Variants in SPTLC3 observed in about 807,000 individuals in gnomAD.
The protein encoded by SPTLC3 is serine palmitoyltransferase 3.
In SPTLC3, 36 loss-of-function variants were observed where a neutral mutation model predicts 59.3. That is an observed-to-expected ratio of 0.61 (90% CI 0.47 to 0.80). The LOEUF (loss-of-function observed/expected upper bound fraction) is 0.80. Among genes scored for constraint, SPTLC3 ranks in the 30% least tolerant of loss-of-function variants. SPTLC3 has a pLI of 0.00. For synonymous variants in SPTLC3, 257 were observed against 240.8 expected (o/e 1.07, Z -0.62); for missense variants, 625 against 685.1 (o/e 0.91, Z 0.98).
At chr20:13,134,062 G>T (rs994691294) in intron 9 of SPTLC3, among the ~76,000 whole-genome samples, 1 of 152,126 alleles carries the variant, frequency 6.6e-6, no homozygotes, top group Admixed American at 6.5e-5. Context: ...GCCATACAGG[G>T]TCATTCTCAG....
chr20:13,010,238 G>T (rs931257044), intron 1 of SPTLC3, among the ~76,000 whole-genome samples: 4 of 152,088 alleles, frequency 2.6e-5, no homozygotes, highest in African/African-American at 4.8e-5. Flanking sequence ...TCTGCCTGAG[G>T]AGCAAGCCCA....
intron 9 of SPTLC3, among the ~76,000 whole-genome samples, chr20:13,130,955 T>A (rs901945683): frequency 4.6e-5 from 7 of 152,190 alleles, no homozygotes; most frequent in African/African-American, 1.7e-4. Context: ...GATGTTTATC[T>A]CATAGGACTG....
At chr20:13,074,915 G>A (rs1040347986) in intron 4 of SPTLC3, among the ~76,000 whole-genome samples, 1 of 152,140 alleles carries the variant, frequency 6.6e-6, no homozygotes, top group African/African-American at 2.4e-5. Context: ...ATGTTGCACT[G>A]AATAAATGAA....
chr20:13,069,055 T>C (rs1027310723), intron 2 of SPTLC3, among the ~76,000 whole-genome samples: 14 of 152,304 alleles, frequency 9.2e-5, no homozygotes, highest in African/African-American at 3.4e-4. Context: ...CATCTTCATG[T>C]GGCATGGGCT....
At chr20:13,025,128 G>A (rs1053363639) in intron 1 of SPTLC3, among the ~76,000 whole-genome samples, 5 of 152,086 alleles carry the variant, frequency 3.3e-5, no homozygotes, top group African/African-American at 4.8e-5. Flanking sequence ...AGATCACCAC[G>A]TCAGAGAAAA....
chr20:13,093,357 C>G (rs991146354), intron 5 of SPTLC3, 127 bp from the exon 6 acceptor site: 1 of 776,832 alleles, frequency 1.3e-6, no homozygotes, highest in Non-Finnish European at 2.1e-6. Context: ...AAACTCTTGG[C>G]CTTTTAAAAT....
intron 4 of SPTLC3, chr20:13,079,805 G>A (rs1988776714): frequency 2.1e-6 from 1 of 468,438 alleles, no homozygotes; most frequent in Non-Finnish European, 4.4e-6. Context: ...CTTGCAAGCT[G>A]ACTCAGTGCC....
intron 1 of SPTLC3, among the ~76,000 whole-genome samples, chr20:13,046,902 C>G (rs1238451156): frequency 1.3e-5 from 2 of 152,182 alleles, no homozygotes; most frequent in Non-Finnish European, 1.5e-5. Context: ...TTACTCAAGA[C>G]TGCCTATTAA....
intron 7 of SPTLC3, among the ~76,000 whole-genome samples, chr20:13,112,447 A>G (rs1219369562): frequency 6.6e-6 from 1 of 152,162 alleles, no homozygotes; most frequent in East Asian, 1.9e-4. Context: ...TTCTGCCCTG[A>G]CCCATTGGCT....
chr20:13,021,840 C>T lies in SPTLC3; in HGVS notation c.117+12456C>T, dbSNP rs143904038. On this transcript the variant is annotated intron_variant, in intron 1 of 11. Transcript: ENST00000399002. ...AACTATCAGAGTGTCATTTCCTTTGCGACTTCAAGCTTTATTTCTAACACA... is the reference window on the plus strand; with the variant it reads ...AACTATCAGAGTGTCATTTCCTTTGTGACTTCAAGCTTTATTTCTAACACA... 3.6e-3 allele frequency among the ~76,000 whole-genome samples: 541 copies of T among 152,128 alleles called. 2 individuals carry two copies. Among genetic ancestry groups the T allele is most frequent in the Non-Finnish European group, 4.7e-3 (319 of 67,980 alleles).
intron 9 of SPTLC3, among the ~76,000 whole-genome samples, chr20:13,146,996 T>C (rs770138500): frequency 6.6e-6 from 1 of 152,160 alleles, no homozygotes; most frequent in Non-Finnish European, 1.5e-5. Context: ...GCACAAGAAA[T>C]GTCCATTCTC....
intron 7 of SPTLC3, among the ~76,000 whole-genome samples, chr20:13,115,382 C>A (rs1990478936): frequency 1.3e-5 from 2 of 152,178 alleles, no homozygotes; most frequent in South Asian, 4.2e-4. Context: ...GAAATATAAA[C>A]CAGGTGGGCA....
chr20:13,099,239 C>A (rs1989524400), intron 6 of SPTLC3, among the ~76,000 whole-genome samples: 1 of 152,158 alleles, frequency 6.6e-6, no homozygotes, highest in South Asian at 2.1e-4. Context: ...CCCTTGCTGG[C>A]TTTGAAGATG....
chr20:13,115,829 C>T (rs1269257395), intron 7 of SPTLC3, among the ~76,000 whole-genome samples: 1 of 152,038 alleles, frequency 6.6e-6, no homozygotes, highest in African/African-American at 2.4e-5. Flanking sequence ...TTATAAAGAC[C>T]CTGTGAAGAG....
intron 2 of SPTLC3, among the ~76,000 whole-genome samples, chr20:13,069,261 T>C (rs1014587065): frequency 2.0e-5 from 3 of 151,980 alleles, no homozygotes; most frequent in African/African-American, 4.8e-5. Context: ...GGGGAGTGGG[T>C]GAGGTCCGAG....
intron 7 of SPTLC3, among the ~76,000 whole-genome samples, chr20:13,113,504 C>A (rs1169337315): frequency 6.6e-6 from 1 of 152,062 alleles, no homozygotes; most frequent in Admixed American, 6.6e-5. Context: ...AGGCTAGATA[C>A]CCAGTCTGAG....
At chr20:13,141,068 G>C (rs575207487) in intron 9 of SPTLC3, among the ~76,000 whole-genome samples, 3 of 152,136 alleles carry the variant, frequency 2.0e-5, no homozygotes, top group African/African-American at 7.2e-5. Context: ...AAAAAACAGG[G>C]ACTAAGTGGG....
intron 9 of SPTLC3, among the ~76,000 whole-genome samples, chr20:13,136,176 G>A (rs901043916): frequency 6.6e-6 from 1 of 152,074 alleles, no homozygotes; most frequent in Non-Finnish European, 1.5e-5. Context: ...GGAGTTTCTG[G>A]GTGGTAAGGC....
intron 6 of SPTLC3, among the ~76,000 whole-genome samples, chr20:13,103,081 C>G (rs1472212178): frequency 2.6e-5 from 4 of 152,150 alleles, no homozygotes; most frequent in African/African-American, 9.7e-5. Flanking sequence ...AAAGAGCCAT[C>G]CAGAAAACCT....
Sources: allele counts gnomAD v4.1 joint callset (sites outside exome capture counted in the v4.1 genomes callset), GRCh38; gene constraint gnomAD v4.1.1; transcripts MANE v1.5; gene names NCBI Gene and HGNC (gene_info 2026-07-23, HGNC 2026-07-21).